RPS6KA4: variants seen among roughly 807,000 people sequenced by gnomAD.
The protein encoded by RPS6KA4 is ribosomal protein S6 kinase A4, also known as ribosomal protein S6 kinase alpha-4.
In RPS6KA4, 38 loss-of-function variants were observed where a neutral mutation model predicts 89.6. The ratio of observed to expected loss-of-function variants is 0.42; its 90% CI spans 0.33 to 0.56. RPS6KA4 has a LOEUF of 0.56. Among genes scored for constraint, RPS6KA4 ranks in the 20% least tolerant of loss-of-function variants. RPS6KA4 has a pLI of 0.07. For synonymous variants in RPS6KA4, 495 were observed against 492.8 expected (o/e 1.00, Z -0.06); for missense variants, 873 against 1,098.8 (o/e 0.79, Z 2.90).
rs536096531 is a variant in RPS6KA4 at position 64,365,596 on chromosome 11, G to A, written c.1071+131G>A. On this transcript the variant is annotated intron_variant, in intron 9 of 16. Transcript: ENST00000334205. The stretch of plus-strand genomic sequence containing the variant: ...GGACTCAGCGTCTCCCCTAGACGTC[G>A]CCACTTCAGTGGGACCTAGGGTTGT... 29 of 942,058 alleles carry A rather than the reference G, an allele frequency of 3.1e-5. No homozygotes were observed. The South Asian group carries it at 3.2e-4, about 10-fold the overall frequency. The allele number at this position is 942,058 out of a possible 1,614,324, so 58.4% of individuals were successfully genotyped here. A position where few individuals can be genotyped will look rare whatever the true frequency, so the allele number is the denominator to read the frequency against.
rs368437334 is a variant in RPS6KA4 at position 64,359,365 on chromosome 11, C to G, written c.56-13C>G. On this transcript the variant is annotated splice_polypyrimidine_tract_variant and intron_variant, in intron 1 of 16. Transcript: ENST00000334205. The stretch of plus-strand genomic sequence containing the variant: ...ATGGACCGGCTGGGCTCATTCGCCC[C>G]CTGTGCCCACAGCCAACCTGACCGG... 1.4e-5 allele frequency: 23 copies of G among 1,612,694 alleles called. No homozygotes were observed. The African/African-American group carries it at 2.1e-4, about 15-fold the overall frequency.
Position 64,361,904 on chromosome 11 carries a change from C to G in RPS6KA4, c.808C>G (p.Gln270Glu), listed in dbSNP as rs1230379380. The part of the protein sequence containing the change: ...PFPPRIGPVA[Q>E]DLLQRLLCKD... The stretch of plus-strand genomic sequence containing the variant: ...CCCCCCTCGGATCGGGCCCGTGGCG[C>G]AGGACCTGCTGCAGCGGCTGCTTTG... The change falls in exon 8 of 17, where the codon CAG (glutamine) becomes GAG (glutamate). Residue 270 changes from glutamine (Q) to glutamate (E), a missense_variant. By Grantham distance (29) the Gln-to-Glu change is conservative (BLOSUM62 2). Around this residue, in one of 4 missense-constraint regions of RPS6KA4, gnomAD observed 542 missense variants for 736.4 expected, o/e 0.74. Transcript: ENST00000334205. This position sits in a 1 kb window ranked among gnomAD's most constrained non-coding sequence, Gnocchi z 4.7. The G allele has an allele frequency of 6.2e-7, 1 of 1,613,118 alleles. No individual in the cohort carries two copies. Among genetic ancestry groups the G allele is most frequent in the South Asian group, 1.1e-5 (1 of 91,076 alleles).
At chr11:64,371,049 A>C (rs1223785006) in intron 16 of RPS6KA4, among the ~76,000 whole-genome samples, 2 of 141,718 alleles carry the variant, frequency 1.4e-5, no homozygotes, top group Non-Finnish European at 3.0e-5. Context: ...GGTTGCAGTG[A>C]GCTGAGATTG....
Position 64,361,200 on chromosome 11 carries a change from C to G in RPS6KA4, c.529C>G (p.Leu177Val). 1.9e-6 allele frequency: 3 copies of G among 1,613,510 alleles called. No individual in the cohort carries two copies. The highest frequency in any genetic ancestry group is 2.5e-6 in the Non-Finnish European group (3 of 1,179,990). The change falls in exon 5 of 17, where the codon CTC (leucine) becomes GTC (valine). Residue 177 changes from leucine to valine, a missense_variant. Leu to Val is a conservative substitution (Grantham distance 32). Coordinates refer to ENST00000334205, the MANE Select transcript of RPS6KA4 (RefSeq NM_003942.3). The surrounding 1 kb of genome is among the most constrained non-coding windows in gnomAD (Gnocchi z 4.7). ...GCTGGACTCCGAGGGCCACATTGTCCTCACGGACTTCGGGCTGAGCAAGGA... is the reference window on the plus strand; with the variant it reads ...GCTGGACTCCGAGGGCCACATTGTCGTCACGGACTTCGGGCTGAGCAAGGA... ...VLLDSEGHIV[L>V]TDFGLSKEFL...
At chr11:64,368,857 G>A in intron 12 of RPS6KA4, 60 bp downstream of exon 12, 3 of 1,351,166 alleles carry the variant, frequency 2.2e-6, no homozygotes, top group Admixed American at 2.1e-5. Context: ...GGGCTTGGGG[G>A]CACTATGGGC....
chr11:64,368,510 C>A lies in RPS6KA4; in HGVS notation c.1243C>A (p.Pro415Thr). ...GCAGTACGAGCTGGACCTGCGGGAGCCTGCGCTGGGCCAGGGCAGCTTTTC... is the reference window on the plus strand; with the variant it reads ...GCAGTACGAGCTGGACCTGCGGGAGACTGCGCTGGGCCAGGGCAGCTTTTC... ...FQQYELDLRE[P>T]ALGQGSFSVC... The change falls in exon 11 of 17, where the codon CCT becomes ACT. Residue 415 changes from proline to threonine, a missense_variant. By Grantham distance (38) the Pro-to-Thr change is conservative. Coordinates refer to ENST00000334205, the MANE Select transcript of RPS6KA4 (RefSeq NM_003942.3). 6.4e-7 allele frequency: 1 copy of A among 1,565,788 alleles called. No individual in the cohort carries two copies. The highest frequency in any genetic ancestry group is 8.6e-7 in the Non-Finnish European group (1 of 1,156,576).
rs2036954921 is a variant in RPS6KA4, at chr11:64,368,600, A to G, written c.1333A>G (p.Arg445Gly). 1 of 1,455,448 alleles carries G rather than the reference A, an allele frequency of 6.9e-7. No homozygotes were observed. The highest frequency in any genetic ancestry group is 9.2e-7 in the Non-Finnish European group (1 of 1,083,604). 90.2% of individuals were successfully genotyped at this position (1,455,448 alleles called of 1,614,324 possible). Reference sequence around the variant, plus strand: ...GTTCGCAGTCAAGATCCTCAGTCGCAGGTGGGAGGGCCCAGGCGCGGGCAG... The same window carrying G: ...GTTCGCAGTCAAGATCCTCAGTCGCGGGTGGGAGGGCCCAGGCGCGGGCAG... ...QEFAVKILSRRLEANTQREVA... is the reference protein window; with the variant it reads ...QEFAVKILSRGLEANTQREVA... Residue 445 changes from arginine (R) to glycine (G), a missense_variant and splice_region_variant, in exon 11 of 17, where the codon AGG becomes GGG. Transcript: ENST00000334205.
chr11:64,363,837 C>T (rs1329038434), intron 8 of RPS6KA4, among the ~76,000 whole-genome samples: 1 of 152,076 alleles, frequency 6.6e-6, no homozygotes, highest in Non-Finnish European at 1.5e-5. Flanking sequence ...GAGCAGTGCT[C>T]AGGTCCTTGG....
chr11:64,361,326 G>T lies in RPS6KA4; in HGVS notation c.570+85G>T. On this transcript the variant is annotated intron_variant, in intron 5 of 16. Coordinates refer to ENST00000334205, the MANE Select transcript of RPS6KA4 (RefSeq NM_003942.3). The surrounding 1 kb of genome is among the most constrained non-coding windows in gnomAD (Gnocchi z 4.7). ...TCCTGCTCTGGGCCTGCATTCTGGG[G>T]CTGCAGAAGTGAATAGCTCCAAGAA... 6.9e-7 allele frequency: 1 copy of T among 1,457,644 alleles called. No individual in the cohort carries two copies. Among genetic ancestry groups the T allele is most frequent in the Non-Finnish European group, 9.5e-7 (1 of 1,048,708 alleles). The allele number at this position is 1,457,644 out of a possible 1,614,324, so 90.3% of individuals were successfully genotyped here. A position where few individuals can be genotyped will look rare whatever the true frequency, so the allele number is the denominator to read the frequency against.
chr11:64,371,372 C>T lies in RPS6KA4; in HGVS notation c.2211C>T (p.Ser737=), dbSNP rs767367328. 2 of 1,612,308 alleles carry T rather than the reference C, an allele frequency of 1.2e-6. No individual in the cohort carries two copies. Among genetic ancestry groups the T allele is most frequent in the Non-Finnish European group, 1.7e-6 (2 of 1,179,750 alleles). Residue 737 remains serine, a synonymous_variant, in exon 17 of 17, where the codon AGC becomes AGT. Transcript: ENST00000334205. ...LAKRRKQKLR[S]ATASRRGSPA... ...AGCGGCGGAAGCAGAAGCTGCGGAGCGCCACCGCCTCCCGCCGGGGCTCCC... is the reference window on the plus strand; with the variant it reads ...AGCGGCGGAAGCAGAAGCTGCGGAGTGCCACCGCCTCCCGCCGGGGCTCCC...
At chr11:64,369,396 G>A (rs773784419) in intron 12 of RPS6KA4, 50 bp from the exon 13 acceptor site, 1 of 1,507,272 alleles carries the variant, frequency 6.6e-7, no homozygotes, top group Non-Finnish European at 8.9e-7. Context: ...GTGGGAGGGG[G>A]CTTGCCGCCG....
At chr11:64,360,933 T>G (rs1361892538) in intron 4 of RPS6KA4, 2 of 579,482 alleles carry the variant, frequency 3.5e-6, no homozygotes, top group Non-Finnish European at 6.1e-6. Context: ...TCTGGGACCT[T>G]GGGGCCTGAT....
chr11:64,360,716 G>A (rs996788211), intron 4 of RPS6KA4, 124 bp downstream of exon 4: 6 of 839,282 alleles, frequency 7.1e-6, no homozygotes, highest in South Asian at 5.1e-5. Context: ...GGTGAGCTGG[G>A]TGGGAATTGG....
rs1449835853 is a variant in RPS6KA4, at chr11:64,370,641, C to T, written c.2036C>T (p.Ala679Val). The stretch of plus-strand genomic sequence containing the variant: ...AGCTCGTGGCTGCAGGACGGCAGCG[C>T]GCGCTCCTCGCCCCCGCTCCGGACG... The part of the protein sequence containing the change: ...RGSSWLQDGS[A>V]RSSPPLRTPD... The change falls in exon 16 of 17, where the codon GCG becomes GTG. Residue 679 changes from alanine (A) to valine (V), a missense_variant. By Grantham distance (64) the Ala-to-Val change is moderately conservative. Coordinates refer to ENST00000334205, the MANE Select transcript of RPS6KA4 (RefSeq NM_003942.3). This position sits in a 1 kb window ranked among gnomAD's most constrained non-coding sequence, Gnocchi z 4.1. 8.3e-6 allele frequency: 13 copies of T among 1,573,052 alleles called. No homozygotes were observed. The Admixed American group carries it at 1.2e-4, about 15-fold the overall frequency.
chr11:64,371,785 C>A lies in RPS6KA4; in HGVS notation c.*305C>A. ...GGGACTGCTCCAACAGGAAAGAGCC[C>A]CTCCCCCACTTCTAAGCACTGAGTT... On this transcript the variant is annotated 3_prime_UTR_variant, in exon 17 of 17. Transcript: ENST00000334205. The A allele has an allele frequency of 3.3e-6, 1 of 299,810 alleles. No homozygotes were observed. 18.6% of individuals were successfully genotyped at this position (299,810 alleles called of 1,614,324 possible).
chr11:64,359,269 G>T lies in RPS6KA4; in HGVS notation c.34G>T (p.Val12Leu), dbSNP rs776261307. The change falls in exon 1 of 17, where the codon GTG becomes TTG. Residue 12 changes from valine (V) to leucine (L), a missense_variant. Coordinates refer to ENST00000334205, the MANE Select transcript of RPS6KA4 (RefSeq NM_003942.3). ...CGAGGACGACGATGAGAGCTGCGCC[G>T]TGGAGCTGCGGATCACAGAAGGTGG... is the stretch of plus-strand genomic sequence containing the variant. ...GDEDDDESCA[V>L]ELRITEANLT... is the part of the protein sequence containing the mutation. 2.6e-6 allele frequency: 4 copies of T among 1,548,522 alleles called. No homozygotes were observed. The highest frequency in any genetic ancestry group is 3.5e-6 in the Non-Finnish European group (4 of 1,144,166).
Position 64,369,631 on chromosome 11 carries a change from G to A in RPS6KA4, c.1602+12G>A. The A allele has an allele frequency of 3.7e-6, 6 of 1,602,266 alleles. No individual in the cohort carries two copies. The highest frequency in any genetic ancestry group is 5.1e-6 in the Non-Finnish European group (6 of 1,174,270). Reference sequence around the variant, plus strand: ...ACCTCAAGCCGGAGGTGGGCGAGCTGCCTCGGCGGCGGGGCGGAGCGGTGG... The same window carrying A: ...ACCTCAAGCCGGAGGTGGGCGAGCTACCTCGGCGGCGGGGCGGAGCGGTGG... On this transcript the variant is annotated intron_variant, in intron 13 of 16. Coordinates refer to ENST00000334205, the MANE Select transcript of RPS6KA4 (RefSeq NM_003942.3).
At chr11:64,367,115 A>G (rs1344202838) in intron 9 of RPS6KA4, among the ~76,000 whole-genome samples, 1 of 152,334 alleles carries the variant, frequency 6.6e-6, no homozygotes, top group Non-Finnish European at 1.5e-5. Context: ...AAGATGACAC[A>G]TAGTTTATTT....
chr11:64,361,097 G>C lies in RPS6KA4; in HGVS notation c.463-37G>C, dbSNP rs79308791. The C allele has an allele frequency of 6.3e-6, 10 of 1,577,414 alleles. No individual in the cohort carries two copies. The highest frequency in any genetic ancestry group is 8.7e-6 in the Non-Finnish European group (10 of 1,151,046). On this transcript the variant is annotated intron_variant, in intron 4 of 16. Transcript: ENST00000334205. This position sits in a 1 kb window ranked among gnomAD's most constrained non-coding sequence, Gnocchi z 4.7. ...AGCTGGAGGAGCTGGGGAGGGTTTCGGGGAGGAAGCCTCAGCACCCCTCTT... is the reference window on the plus strand; with the variant it reads ...AGCTGGAGGAGCTGGGGAGGGTTTCCGGGAGGAAGCCTCAGCACCCCTCTT...
Sources: gnomAD v4.1 joint callset for allele counts (sites outside exome capture counted in the v4.1 genomes callset) on GRCh38, gnomAD v4.1.1 for gene constraint, gnomAD v4.1.1 regional missense constraint, Gnocchi (gnomAD v3.1) non-coding constraint, MANE v1.5 for transcripts, NCBI Gene and HGNC (gene_info 2026-07-23, HGNC 2026-07-21) for gene names.